OPCML: variants seen among roughly 807,000 people sequenced by gnomAD.
OPCML encodes opioid-binding protein/cell adhesion molecule.
In OPCML, 13 loss-of-function variants were observed where a neutral mutation model predicts 37.8. The ratio of observed to expected loss-of-function variants is 0.34; its 90% confidence interval spans 0.22 to 0.55. The LOEUF (loss-of-function observed/expected upper bound fraction) is 0.55, where lower values mean the gene tolerates loss of function less well. OPCML is among the 20% of genes least tolerant of loss of function. The probability of loss-of-function intolerance (pLI) is 0.91; values close to 1 mark genes in which losing one functional copy is unlikely to be tolerated. For synonymous variants in OPCML, 176 were observed against 168.8 expected, an observed-to-expected ratio of 1.04 and a Z score of -0.33; for missense variants, 341 against 435.6, an observed-to-expected ratio of 0.78 and a Z score of 1.93.
chr11:132,468,088 G>A (rs2096125236), intron 4 of OPCML, among the ~76,000 whole-genome samples: 1 of 152,100 alleles, frequency 6.6e-6, no homozygotes, highest in African/African-American at 2.4e-5. Context: ...CTTCCTATCT[G>A]GGCTTCCAAC....
At chr11:132,831,418 C>G (rs529093528) in intron 2 of OPCML, among the ~76,000 whole-genome samples, 92 of 152,288 alleles carry the variant, frequency 6.0e-4, no homozygotes, top group African/African-American at 2.1e-3. Context: ...CCCACCATAG[C>G]TCCATCACAG....
chr11:133,040,254 T>A (rs1401549789), intron 1 of OPCML, among the ~76,000 whole-genome samples: 2 of 152,134 alleles, frequency 1.3e-5, no homozygotes, highest in African/African-American at 4.8e-5. Flanking sequence ...CACCTCCTCC[T>A]CCCACTGCAC....
At chr11:133,509,588 C>T (rs992469811) in intron 1 of OPCML, among the ~76,000 whole-genome samples, 3 of 152,170 alleles carry the variant, frequency 2.0e-5, no homozygotes, top group African/African-American at 4.8e-5. Context: ...AATCCTCTCA[C>T]ACTTCCTATG....
At chr11:132,877,019 G>T (rs1481533797) in intron 2 of OPCML, among the ~76,000 whole-genome samples, 1 of 152,210 alleles carries the variant, frequency 6.6e-6, no homozygotes, top group Non-Finnish European at 1.5e-5. Context: ...GAAAGCCTGG[G>T]CTTTGCCTCA....
At chr11:132,789,911 G>A (rs542915123) in intron 2 of OPCML, among the ~76,000 whole-genome samples, 26 of 152,240 alleles carry the variant, frequency 1.7e-4, no homozygotes, top group African/African-American at 5.3e-4. Context: ...CAGCTGCATT[G>A]AACCACAGCA....
intron 1 of OPCML, among the ~76,000 whole-genome samples, chr11:133,013,462 C>A (rs537554583): frequency 6.6e-6 from 1 of 152,074 alleles, no homozygotes; most frequent in Non-Finnish European, 1.5e-5. Context: ...TAAACATTTT[C>A]TTTGAAGAGG....
intron 2 of OPCML, among the ~76,000 whole-genome samples, chr11:132,723,609 T>C (rs1944759334): frequency 6.6e-6 from 1 of 152,260 alleles, no homozygotes; most frequent in African/African-American, 2.4e-5. Context: ...TTTACCTATA[T>C]TTCATCCCCT....
At chr11:132,792,563 C>T (rs1160979762) in intron 2 of OPCML, among the ~76,000 whole-genome samples, 2 of 152,172 alleles carry the variant, frequency 1.3e-5, no homozygotes, top group African/African-American at 4.8e-5. Flanking sequence ...CCAGTCTCGT[C>T]TTTTTGCTGC....
chr11:133,495,677 T>C (rs1181924371), intron 1 of OPCML, among the ~76,000 whole-genome samples: 1 of 152,254 alleles, frequency 6.6e-6, no homozygotes, highest in Non-Finnish European at 1.5e-5. Flanking sequence ...TTTTTTCATA[T>C]GTCTGTTGGC....
chr11:133,428,932 A>G (rs1290707915), intron 1 of OPCML, among the ~76,000 whole-genome samples: 1 of 152,232 alleles, frequency 6.6e-6, no homozygotes, highest in Non-Finnish European at 1.5e-5. Context: ...CCAGACATGA[A>G]ATATGTTTAA....
At chr11:132,491,097 G>A (rs971844462) in intron 4 of OPCML, among the ~76,000 whole-genome samples, 98 of 152,300 alleles carry the variant, frequency 6.4e-4, no homozygotes, top group African/African-American at 2.3e-3. Context: ...CTCACCACGT[G>A]TATGCTCCCA....
At chr11:132,819,336 G>A (rs1326501485) in intron 2 of OPCML, among the ~76,000 whole-genome samples, 1 of 140,374 alleles carries the variant, frequency 7.1e-6, no homozygotes, top group Non-Finnish European at 1.6e-5. Context: ...GACTTTAAAT[G>A]ACTATGATTA....
intron 1 of OPCML, among the ~76,000 whole-genome samples, chr11:133,050,828 G>A (rs1948116856): frequency 6.6e-6 from 1 of 151,616 alleles, no homozygotes; most frequent in Admixed American, 6.6e-5. Context: ...TCAATCTATT[G>A]GGGAAATATT....
intron 1 of OPCML, among the ~76,000 whole-genome samples, chr11:133,351,069 T>C (rs897524706): frequency 3.9e-5 from 6 of 152,216 alleles, no homozygotes; most frequent in African/African-American, 1.4e-4. Context: ...AACTTCTTGA[T>C]AATGAAAGCT....
intron 1 of OPCML, among the ~76,000 whole-genome samples, chr11:133,523,336 C>T (rs1275662820): frequency 1.3e-5 from 2 of 152,148 alleles, no homozygotes; most frequent in African/African-American, 4.8e-5. Context: ...TCAGCACTCT[C>T]CCAGGAGTGT....
chr11:133,258,835 C>G, intron 1 of OPCML, among the ~76,000 whole-genome samples: 1 of 152,148 alleles, frequency 6.6e-6, no homozygotes, highest in Admixed American at 6.5e-5. Flanking sequence ...CTGCCCCTGC[C>G]TGCCCAGAGA....
chr11:133,043,222 G>A (rs191141000), intron 1 of OPCML, among the ~76,000 whole-genome samples: 128 of 152,238 alleles, frequency 8.4e-4, no homozygotes, highest in African/African-American at 2.9e-3. Flanking sequence ...CTGGGATTGT[G>A]GGTCCAGGTG....
intron 4 of OPCML, chr11:132,525,822 A>G (rs1193432044): frequency 6.6e-6 from 1 of 152,288 alleles, no homozygotes; most frequent in African/African-American, 2.4e-5. Flanking sequence ...TACATTAGGT[A>G]TAAAATTGGA....
chr11:133,319,480 C>A (rs749738997), intron 1 of OPCML, among the ~76,000 whole-genome samples: 1 of 152,152 alleles, frequency 6.6e-6, no homozygotes. Flanking sequence ...GGATTTGTTG[C>A]GCTTAGTGGC....
Sources: gnomAD v4.1 joint callset for allele counts (sites outside exome capture counted in the v4.1 genomes callset) on GRCh38, gnomAD v4.1.1 for gene constraint, MANE v1.5 for transcripts, NCBI Gene and HGNC (gene_info 2026-07-23, HGNC 2026-07-21) for gene names.